Variants in DLG2 observed in about 807,000 individuals in gnomAD.
The protein encoded by DLG2 is discs large MAGUK scaffold protein 2.
A neutral mutation model predicts 132.5 loss-of-function variants in DLG2; 45 were observed. That is an observed-to-expected ratio of 0.34 (90% CI 0.27 to 0.44). The LOEUF (loss-of-function observed/expected upper bound fraction) is 0.44, where lower values mean the gene tolerates loss of function less well. Among genes scored for constraint, DLG2 ranks in the 20% least tolerant of loss-of-function variants. The pLI, the probability that DLG2 is intolerant of heterozygous loss-of-function variation, is 1.00. For missense variants in DLG2, 1,045 were observed against 1,196.9 expected (o/e 0.87, Z 1.87); for synonymous variants, 424 against 419.6 (o/e 1.01, Z -0.13).
chr11:84,410,522 A>G (rs2098894704), intron 7 of DLG2, among the ~76,000 whole-genome samples: 2 of 150,438 alleles, frequency 1.3e-5, no homozygotes, highest in Non-Finnish European at 3.0e-5. Flanking sequence ...TATAGAAAAC[A>G]CCTATCAATG....
chr11:85,530,663 T>C (rs538135861), intron 3 of DLG2, among the ~76,000 whole-genome samples: 1 of 152,318 alleles, frequency 6.6e-6, no homozygotes, highest in South Asian at 2.1e-4. Context: ...ATAGAGTTTC[T>C]GAGTTTGCCT....
chr11:85,534,161 T>C (rs1365813364), intron 3 of DLG2, among the ~76,000 whole-genome samples: 1 of 151,952 alleles, frequency 6.6e-6, no homozygotes, highest in Non-Finnish European at 1.5e-5. Flanking sequence ...CTAATTTTTG[T>C]CTGTCTCTAA....
chr11:85,469,156 T>A (rs1389444201), intron 3 of DLG2, among the ~76,000 whole-genome samples: 5 of 152,236 alleles, frequency 3.3e-5, no homozygotes, highest in African/African-American at 1.2e-4. Context: ...GCAAGTCCTA[T>A]CAGCTCCTCA....
At chr11:85,003,851 C>T (rs944213232) in intron 6 of DLG2, among the ~76,000 whole-genome samples, 2 of 152,134 alleles carry the variant, frequency 1.3e-5, no homozygotes, top group Non-Finnish European at 2.9e-5. Context: ...TGGTTTTTCT[C>T]TTAATGCTAT....
intron 21 of DLG2, among the ~76,000 whole-genome samples, chr11:83,518,730 A>G (rs977523763): frequency 6.6e-6 from 1 of 152,234 alleles, no homozygotes; most frequent in Non-Finnish European, 1.5e-5. Context: ...AGTTGACAGA[A>G]AAGTCACAAA....
chr11:84,636,983 T>C (rs2099641662), intron 6 of DLG2, among the ~76,000 whole-genome samples: 1 of 151,966 alleles, frequency 6.6e-6, no homozygotes, highest in African/African-American at 2.4e-5. Context: ...AGACGGGTCT[T>C]CGCCATGTTG....
At chr11:85,137,901 A>T (rs1239908153) in intron 5 of DLG2, among the ~76,000 whole-genome samples, 1 of 152,170 alleles carries the variant, frequency 6.6e-6, no homozygotes, top group African/African-American at 2.4e-5. Flanking sequence ...AGAAATTAGG[A>T]TCAACTGAAA....
chr11:83,633,354 T>C, intron 18 of DLG2, 29 bp from the exon 19 acceptor site: 2 of 1,593,014 alleles, frequency 1.3e-6, no homozygotes, highest in Non-Finnish European at 1.7e-6. Flanking sequence ...GTAGCAAATT[T>C]TGCTCTGTGC....
intron 5 of DLG2, among the ~76,000 whole-genome samples, chr11:85,150,214 G>T (rs1322913334): frequency 6.6e-6 from 1 of 151,632 alleles, no homozygotes; most frequent in African/African-American, 2.4e-5. Flanking sequence ...TAGAGACAGG[G>T]TTTCACCGTG....
intron 7 of DLG2, among the ~76,000 whole-genome samples, chr11:84,497,217 A>C (rs2099187076): frequency 6.6e-6 from 1 of 152,172 alleles, no homozygotes; most frequent in Admixed American, 6.5e-5. Flanking sequence ...AGAGATACAA[A>C]TAAATTGTTA....
At chr11:84,859,969 G>T (rs1412825265) in intron 6 of DLG2, among the ~76,000 whole-genome samples, 2 of 152,054 alleles carry the variant, frequency 1.3e-5, no homozygotes, top group African/African-American at 4.8e-5. Context: ...ATGCTTCCTT[G>T]TACACTGTCC....
intron 6 of DLG2, among the ~76,000 whole-genome samples, chr11:84,562,525 G>C (rs1422488090): frequency 6.6e-6 from 1 of 151,900 alleles, no homozygotes. Context: ...CCTGTATTTT[G>C]GAATTGTTTG....
intron 11 of DLG2, among the ~76,000 whole-genome samples, chr11:83,995,587 A>G (rs2093979552): frequency 6.6e-6 from 1 of 152,232 alleles, no homozygotes; most frequent in African/African-American, 2.4e-5. Flanking sequence ...CTACAGAGCT[A>G]TAGTAACCAA....
At chr11:83,692,798 C>T (rs1186594663) in intron 18 of DLG2, 1 of 152,162 alleles carries the variant, frequency 6.6e-6, no homozygotes, top group African/African-American at 2.4e-5. Flanking sequence ...AGACTCTACC[C>T]TAAAAATTAG....
At chr11:83,840,775 T>C (rs889509490) in intron 16 of DLG2, among the ~76,000 whole-genome samples, 1 of 152,228 alleles carries the variant, frequency 6.6e-6, no homozygotes, top group Non-Finnish European at 1.5e-5. Flanking sequence ...AGACTCTGCC[T>C]TGTTAGAAGT....
intron 18 of DLG2, among the ~76,000 whole-genome samples, chr11:83,784,666 T>C (rs1032954976): frequency 1.3e-5 from 2 of 152,228 alleles, no homozygotes; most frequent in Non-Finnish European, 2.9e-5. Context: ...GAAACCAAGA[T>C]GTAAGGAAGC....
chr11:84,270,354 C>A (rs1227193714), intron 7 of DLG2, among the ~76,000 whole-genome samples: 1 of 152,150 alleles, frequency 6.6e-6, no homozygotes, highest in African/African-American at 2.4e-5. Flanking sequence ...GCTTGAGACT[C>A]CAGATTTTAT....
chr11:84,397,325 T>A (rs1386421976), intron 7 of DLG2, among the ~76,000 whole-genome samples: 1 of 152,208 alleles, frequency 6.6e-6, no homozygotes, highest in Non-Finnish European at 1.5e-5. Context: ...CTAATACAAT[T>A]ATCACTTCAT....
intron 6 of DLG2, among the ~76,000 whole-genome samples, chr11:85,067,715 G>T (rs746010378): frequency 6.6e-6 from 1 of 151,820 alleles, no homozygotes; most frequent in Non-Finnish European, 1.5e-5. Context: ...GTACAAGGAG[G>T]AGCTGGTACA....
Sources: allele counts gnomAD v4.1 joint callset (sites outside exome capture counted in the v4.1 genomes callset), GRCh38; gene constraint gnomAD v4.1.1; transcripts MANE v1.5; gene names NCBI Gene and HGNC (gene_info 2026-07-23, HGNC 2026-07-21).